LRFN2: variants seen among roughly 807,000 people sequenced by gnomAD.
LRFN2 encodes leucine-rich repeat and fibronectin type-III domain-containing protein 2.
LRFN2 carries 18 observed loss-of-function variants against 37.3 expected under a neutral mutation model. The ratio of observed to expected loss-of-function variants is 0.48; its 90% confidence interval spans 0.33 to 0.72. The LOEUF (loss-of-function observed/expected upper bound fraction) is 0.72. Ranked by LOEUF, LRFN2 falls within the 30% of genes least tolerant of loss-of-function variation. The pLI is 0.02. For synonymous variants in LRFN2, 556 were observed against 466.6 expected (o/e 1.19, Z -2.47); for missense variants, 1,006 against 1,060.7 (o/e 0.95, Z 0.72).
chr6:40,444,958 G>A (rs909266203), intron 1 of LRFN2, among the ~76,000 whole-genome samples: 9 of 151,554 alleles, frequency 5.9e-5, no homozygotes, highest in Non-Finnish European at 8.8e-5. Flanking sequence ...GCTGTCAAGA[G>A]CTGGAACATT....
intron 2 of LRFN2, among the ~76,000 whole-genome samples, chr6:40,408,728 T>C (rs911103032): frequency 2.6e-5 from 4 of 152,210 alleles, no homozygotes; most frequent in Non-Finnish European, 5.9e-5. Context: ...AGGTAAAGTG[T>C]GTTAAATGCT....
At chr6:40,494,348 G>A (rs1048324158) in intron 1 of LRFN2, among the ~76,000 whole-genome samples, 1 of 152,180 alleles carries the variant, frequency 6.6e-6, no homozygotes, top group African/African-American at 2.4e-5. Context: ...GGAGGTGAGA[G>A]CAAGGGGCTT....
chr6:40,526,062 C>T (rs1766246346), intron 1 of LRFN2, among the ~76,000 whole-genome samples: 1 of 152,230 alleles, frequency 6.6e-6, no homozygotes. Context: ...GTTTTCTCGG[C>T]TATGTGCAGG....
chr6:40,539,459 C>T (rs1255706862), intron 1 of LRFN2, among the ~76,000 whole-genome samples: 2 of 152,228 alleles, frequency 1.3e-5, no homozygotes, highest in Non-Finnish European at 2.9e-5. Flanking sequence ...TCTCAGCAGC[C>T]TTGGGAAGCT....
At chr6:40,403,184 A>G (rs979253575) in intron 2 of LRFN2, among the ~76,000 whole-genome samples, 3 of 152,204 alleles carry the variant, frequency 2.0e-5, no homozygotes, top group Non-Finnish European at 2.9e-5. Context: ...CCGGTGTCTC[A>G]TACTTGCTGT....
chr6:40,562,169 G>A (rs992817544), intron 1 of LRFN2, among the ~76,000 whole-genome samples: 3 of 152,190 alleles, frequency 2.0e-5, no homozygotes, highest in Non-Finnish European at 4.4e-5. Flanking sequence ...TACAGATCAT[G>A]AATGAGATGG....
rs185465671 is a variant in LRFN2 at position 40,441,321 on chromosome 6, A to C, written c.-18-8190T>G. The stretch of plus-strand genomic sequence containing the variant: ...AACGCGGAGGCTAGAATGTGAATGG[A>C]GAGGTGTGTGTGTGAGGAAGATCTG... On this transcript the variant is annotated intron_variant, in intron 1 of 2. Coordinates refer to ENST00000338305, the MANE Select transcript of LRFN2 (RefSeq NM_020737.3). Among the ~76,000 whole-genome samples, 5 of 152,188 alleles carry C rather than the reference A, an allele frequency of 3.3e-5. No homozygotes were observed. The East Asian group carries it at 9.7e-4, about 30-fold the overall frequency.
intron 1 of LRFN2, among the ~76,000 whole-genome samples, chr6:40,470,072 T>C (rs377731561): frequency 6.6e-6 from 1 of 152,208 alleles, no homozygotes; most frequent in Non-Finnish European, 1.5e-5. Context: ...TGGGTGATCA[T>C]GGGCCCCTTG....
chr6:40,563,562 T>G (rs941534060), intron 1 of LRFN2, among the ~76,000 whole-genome samples: 2 of 152,156 alleles, frequency 1.3e-5, no homozygotes, highest in African/African-American at 4.8e-5. Flanking sequence ...TTTTAGTGAC[T>G]AAGCTGGGAT....
intron 1 of LRFN2, among the ~76,000 whole-genome samples, chr6:40,460,712 G>A (rs1764328832): frequency 6.6e-6 from 1 of 152,178 alleles, no homozygotes; most frequent in Non-Finnish European, 1.5e-5. Flanking sequence ...AAGTAGGTGA[G>A]CTGGCCCAGA....
intron 1 of LRFN2, among the ~76,000 whole-genome samples, chr6:40,465,610 T>C (rs1764444026): frequency 6.6e-6 from 1 of 152,182 alleles, no homozygotes; most frequent in Non-Finnish European, 1.5e-5. Context: ...AACAGGGAGA[T>C]ATTTGACCAC....
rs969599418 is a variant in LRFN2, at chr6:40,481,152, T to C, written c.-18-48021A>G. ...GTTTTGAAGGAAGAAAAGCATTTAT[T>C]GGGCCCAGTGCAGTGTCTCACGTCT... is the stretch of plus-strand genomic sequence containing the variant. On this transcript the variant is annotated intron_variant, in intron 1 of 2. Transcript: ENST00000338305. 5.3e-5 allele frequency among the ~76,000 whole-genome samples: 8 copies of C among 152,250 alleles called. No individual in the cohort carries two copies. The South Asian group carries it at 1.7e-3, about 32-fold the overall frequency.
At chr6:40,402,596 A>C (rs1213660085) in intron 2 of LRFN2, among the ~76,000 whole-genome samples, 2 of 152,206 alleles carry the variant, frequency 1.3e-5, no homozygotes, top group Non-Finnish European at 2.9e-5. Context: ...TACTAGTCTT[A>C]TTATCATTAT....
At position 40,529,074 on chromosome 6, in the gene LRFN2, C is replaced by A. The variant is rs116554045; in HGVS notation, c.-19+57867G>T. Among the ~76,000 whole-genome samples, 657 of 152,264 alleles carry A rather than the reference C, an allele frequency of 4.3e-3. 4 individuals are homozygous for A. The highest frequency in any genetic ancestry group is 0.015 in the African/African-American group (608 of 41,544). ...CTATTGCCCTTTTCTATTTTCCAGG[C>A]CTCAGGGTGGAAAATGAAAGATGCT... On this transcript the variant is annotated intron_variant, in intron 1 of 2. Coordinates refer to ENST00000338305, the MANE Select transcript of LRFN2 (RefSeq NM_020737.3).
chr6:40,478,437 C>G (rs567473939), intron 1 of LRFN2, among the ~76,000 whole-genome samples: 42 of 152,278 alleles, frequency 2.8e-4, no homozygotes, highest in Middle Eastern at 3.4e-3. Context: ...GCAACAGCCC[C>G]GTAAGTACAA....
chr6:40,432,895 G>A lies in LRFN2; in HGVS notation c.219C>T (p.Ala73=), dbSNP rs1763543055. Residue 73 remains alanine (A), a synonymous_variant, in exon 2 of 3, where the codon GCC becomes GCT. Transcript: ENST00000338305. ...FIIHISRQDF[A]NMTGLVDLTL... ...TCAGGTCCACCAGCCCCGTCATGTT[G>A]GCAAAGTCCTGGCGGCTGATGTGGA... 2 of 1,614,100 alleles carry A rather than the reference G, an allele frequency of 1.2e-6. No individual in the cohort carries two copies. Among genetic ancestry groups the A allele is most frequent in the Admixed American group, 3.3e-5 (2 of 60,008 alleles).
rs1762523240 is a variant in LRFN2 at position 40,392,296 on chromosome 6, G to A, written c.2017C>T (p.Leu673=). The A allele has an allele frequency of 1.2e-6, 2 of 1,609,550 alleles. No individual in the cohort carries two copies. The highest frequency in any genetic ancestry group is 1.1e-5 in the South Asian group (1 of 90,190). Reference sequence around the variant, plus strand: ...CCGGCTGGAGTCCTGGAGTCCAGCAGCTCCTCCTTTCTCTGACTCTTGAGG... The same window carrying A: ...CCGGCTGGAGTCCTGGAGTCCAGCAACTCCTCCTTTCTCTGACTCTTGAGG... The part of the protein sequence containing the change: ...LDLKSQRKEE[L]LDSRTPAGRG... The change falls in exon 3 of 3, where the codon CTG becomes TTG. Residue 673 remains leucine, a synonymous_variant. Coordinates refer to ENST00000338305, the MANE Select transcript of LRFN2 (RefSeq NM_020737.3). The surrounding 1 kb of genome is among the most constrained non-coding windows in gnomAD (Gnocchi z 4.7).
intron 1 of LRFN2, among the ~76,000 whole-genome samples, chr6:40,472,624 T>C (rs1764624784): frequency 6.6e-6 from 1 of 152,204 alleles, no homozygotes; most frequent in South Asian, 2.1e-4. Flanking sequence ...CTCCTCCTGA[T>C]GCTGGTGTGG....
chr6:40,405,561 C>G (rs539656977), intron 2 of LRFN2, among the ~76,000 whole-genome samples: 1 of 152,146 alleles, frequency 6.6e-6, no homozygotes, highest in Admixed American at 6.5e-5. Flanking sequence ...CCATGTAACC[C>G]CAAGGAAATG....
Sources: allele counts gnomAD v4.1 joint callset (sites outside exome capture counted in the v4.1 genomes callset), GRCh38; gene constraint gnomAD v4.1.1; non-coding constraint Gnocchi (gnomAD v3.1); transcripts MANE v1.5; gene names NCBI Gene and HGNC (gene_info 2026-07-23, HGNC 2026-07-21).